Variants in UGT1A6 observed in about 807,000 individuals in gnomAD.
UGT1A6 encodes UDP-glucuronosyltransferase 1A6.
UGT1A6 carries 32 observed loss-of-function variants against 44.4 expected under a neutral mutation model. The ratio of observed to expected loss-of-function variants is 0.72; its 90% CI spans 0.54 to 0.97. UGT1A6 has a LOEUF of 0.97. Ranked by LOEUF, UGT1A6 falls within the 50% of genes least tolerant of loss-of-function variation. The pLI is 0.00. For missense variants in UGT1A6, 685 were observed against 661.9 expected, an observed-to-expected ratio of 1.03 and a Z score of -0.38; for synonymous variants, 238 against 248.5, an observed-to-expected ratio of 0.96 and a Z score of 0.40.
chr2:233,770,182 A>T (rs778207496), intron 4 of UGT1A6: 1 of 152,262 alleles, frequency 6.6e-6, no homozygotes, highest in Non-Finnish European at 1.5e-5. Flanking sequence ...CAACTTATTA[A>T]CTAACTTTCA....
chr2:233,743,667 C>T lies in UGT1A6; in HGVS notation c.862-23367C>T, dbSNP rs201017854. 1.1e-4 allele frequency: 149 copies of T among 1,367,202 alleles called. 1 individual carries two copies. The highest frequency in any genetic ancestry group is 3.2e-4 in the East Asian group (7 of 21,982). The allele number at this position is 1,367,202 out of a possible 1,614,324, so 84.7% of individuals were successfully genotyped here. A position where few individuals can be genotyped will look rare whatever the true frequency, so the allele number is the denominator to read the frequency against. Reference sequence around the variant, plus strand: ...CTGAAGACGTACTCGAAGGGGTCCTCGAAGGGCCTGCCGCCTGTGCAGCCG... The same window carrying T: ...CTGAAGACGTACTCGAAGGGGTCCTTGAAGGGCCTGCCGCCTGTGCAGCCG... On this transcript the variant is annotated intron_variant, in intron 1 of 4. Coordinates refer to ENST00000305139, the MANE Select transcript of UGT1A6 (RefSeq NM_001072.4).
At chr2:233,727,361 G>A (rs2077609181) in intron 1 of UGT1A6, among the ~76,000 whole-genome samples, 1 of 152,128 alleles carries the variant, frequency 6.6e-6, no homozygotes, top group Admixed American at 6.5e-5. Flanking sequence ...TATCCTTAGG[G>A]CCCCTAGGTC....
chr2:233,693,307 G>A lies in UGT1A6; in HGVS notation c.303G>A (p.Glu101=), dbSNP rs2075144345. 2 of 1,614,138 alleles carry A rather than the reference G, an allele frequency of 1.2e-6. No individual in the cohort carries two copies. The highest frequency in any genetic ancestry group is 1.6e-4 in the Middle Eastern group (1 of 6,062). Residue 101 remains glutamate (E), a synonymous_variant, in exon 1 of 5, where the codon GAG becomes GAA. Coordinates refer to ENST00000305139, the MANE Select transcript of UGT1A6 (RefSeq NM_001072.4). ...CATTTGGAAACAATCACTTTGCTGAGCGATCATTCCTAACTGCTCCTCAGA... is the reference window on the plus strand; with the variant it reads ...CATTTGGAAACAATCACTTTGCTGAACGATCATTCCTAACTGCTCCTCAGA... ...YQSFGNNHFA[E]RSFLTAPQTE...
chr2:233,729,516 G>T, intron 1 of UGT1A6: 1 of 1,614,186 alleles, frequency 6.2e-7, no homozygotes, highest in Non-Finnish European at 8.5e-7. Context: ...CTTGTGTGGA[G>T]CTACTACATA....
intron 1 of UGT1A6, chr2:233,743,796 C>T (rs774777752): frequency 7.3e-7 from 1 of 1,367,346 alleles, no homozygotes; most frequent in South Asian, 1.1e-5. Flanking sequence ...CTCTCCGCTT[C>T]CTCCTTGTTC....
intron 4 of UGT1A6, chr2:233,770,280 A>G (rs889485504): frequency 6.6e-6 from 1 of 152,192 alleles, no homozygotes; most frequent in Non-Finnish European, 1.5e-5. Context: ...CACAAAATAA[A>G]AAGAAGTGGA....
chr2:233,741,248 A>T (rs997599929), intron 1 of UGT1A6, among the ~76,000 whole-genome samples: 9 of 151,896 alleles, frequency 5.9e-5, no homozygotes, highest in African/African-American at 1.9e-4. Context: ...TGACACTGGT[A>T]TGCCACTCTT....
At chr2:233,764,706 G>C (rs1698626413) in intron 1 of UGT1A6, among the ~76,000 whole-genome samples, 1 of 152,180 alleles carries the variant, frequency 6.6e-6, no homozygotes, top group Non-Finnish European at 1.5e-5. Context: ...AATGAGCTGT[G>C]TCTCCCCAAG....
intron 1 of UGT1A6, chr2:233,760,250 G>GT: frequency 6.2e-7 from 1 of 1,601,220 alleles, no homozygotes; most frequent in Non-Finnish European, 8.5e-7. Flanking sequence ...ATATATATAA[G>GT]TAGGAGAGGG....
chr2:233,767,131 C>T lies in UGT1A6; in HGVS notation c.959C>T (p.Ala320Val). The change falls in exon 2 of 5, where the codon GCA becomes GTA. Residue 320 changes from alanine to valine, a missense_variant. Coordinates refer to ENST00000305139, the MANE Select transcript of UGT1A6 (RefSeq NM_001072.4). ...VSEIPEKKAM[A>V]IADALGKIPQ... The stretch of plus-strand genomic sequence containing the variant: ...GAAATTCCAGAGAAGAAAGCTATGG[C>T]AATTGCTGATGCTTTGGGCAAAATC... 1 of 1,614,090 alleles carries T rather than the reference C, an allele frequency of 6.2e-7. No individual in the cohort carries two copies. The highest frequency in any genetic ancestry group is 8.5e-7 in the Non-Finnish European group (1 of 1,180,014).
chr2:233,728,573 C>T (rs183295666), intron 1 of UGT1A6, among the ~76,000 whole-genome samples: 6 of 152,150 alleles, frequency 3.9e-5, no homozygotes, highest in Non-Finnish European at 7.3e-5. Flanking sequence ...TATCCTGGTG[C>T]GAAAAACGAC....
chr2:233,713,117 CA>C (rs1395487296), intron 1 of UGT1A6: 4 of 1,614,102 alleles, frequency 2.5e-6, no homozygotes, highest in Non-Finnish European at 3.4e-6. Context: ...GCCACTGGCT[CA>C]GCATGCGGGA....
rs1400065654 is a variant in UGT1A6 at position 233,732,845 on chromosome 2, G to C, written c.862-34189G>C. 4.2e-5 allele frequency among the ~76,000 whole-genome samples: 5 copies of C among 119,428 alleles called. No individual in the cohort carries two copies. The East Asian group carries it at 1.3e-3, about 30-fold the overall frequency. 78.3% of individuals were successfully genotyped at this position (119,428 alleles called of 152,430 possible). A position where few individuals can be genotyped will look rare whatever the true frequency, so the allele number is the denominator to read the frequency against. On this transcript the variant is annotated intron_variant, in intron 1 of 4. Coordinates refer to ENST00000305139, the MANE Select transcript of UGT1A6 (RefSeq NM_001072.4). ...CTTTAAAGTAGTTTTTTCCAATTTTGTGAAGTCATTGGTAGCTTGATGGGT... is the reference window on the plus strand; with the variant it reads ...CTTTAAAGTAGTTTTTTCCAATTTTCTGAAGTCATTGGTAGCTTGATGGGT...
At chr2:233,696,873 C>A (rs993552389) in intron 1 of UGT1A6, among the ~76,000 whole-genome samples, 1 of 152,154 alleles carries the variant, frequency 6.6e-6, no homozygotes, top group African/African-American at 2.4e-5. Flanking sequence ...TCAGCATCTA[C>A]AACATATGAG....
chr2:233,768,495 T>C (rs1699626018), intron 4 of UGT1A6, 56 bp downstream of exon 4: 19 of 1,573,996 alleles, frequency 1.2e-5, no homozygotes, highest in Non-Finnish European at 1.5e-5. Flanking sequence ...ATAAAATTGT[T>C]TCAAATATGA....
intron 1 of UGT1A6, among the ~76,000 whole-genome samples, chr2:233,750,198 C>T (rs914711353): frequency 6.6e-6 from 1 of 151,796 alleles, no homozygotes; most frequent in African/African-American, 2.4e-5. Context: ...ACAATGAAGT[C>T]CAGGCTGAGT....
rs533684290 is a variant in UGT1A6, at chr2:233,717,047, G to A, written c.861+23182G>A. Among the ~76,000 whole-genome samples the A allele has an allele frequency of 3.9e-5, 6 of 152,238 alleles. No individual in the cohort carries two copies. In the South Asian group the frequency reaches 1.0e-3, roughly 26 times the overall value. ...CATCTTCCAAGATACATGGGCCTCCGCAGGGTCTAGGAGTGCCAGACACGT... is the reference window on the plus strand; with the variant it reads ...CATCTTCCAAGATACATGGGCCTCCACAGGGTCTAGGAGTGCCAGACACGT... On this transcript the variant is annotated intron_variant, in intron 1 of 4. Coordinates refer to ENST00000305139, the MANE Select transcript of UGT1A6 (RefSeq NM_001072.4).
At chr2:233,718,209 T>C (rs1050950031) in intron 1 of UGT1A6, among the ~76,000 whole-genome samples, 2 of 152,238 alleles carry the variant, frequency 1.3e-5, no homozygotes, top group Non-Finnish European at 2.9e-5. Flanking sequence ...TTTTTTTATA[T>C]TGACAGCCAC....
rs45625338 is a variant in UGT1A6 at position 233,729,259 on chromosome 2, C to T, written c.861+35394C>T. 3,601 of 1,614,078 alleles carry T rather than the reference C, an allele frequency of 2.2e-3. 92 individuals are homozygous for T. In the East Asian group the frequency reaches 0.052, roughly 23 times the overall value. On this transcript the variant is annotated intron_variant, in intron 1 of 4. Transcript: ENST00000305139. ...TGATGGCAGCCACTGGCTCAGCATGCGGGAGGTCTTGCGGGAGCTCCATGC... is the reference window on the plus strand; with the variant it reads ...TGATGGCAGCCACTGGCTCAGCATGTGGGAGGTCTTGCGGGAGCTCCATGC...
Sources: allele counts gnomAD v4.1 joint callset (sites outside exome capture counted in the v4.1 genomes callset), GRCh38; gene constraint gnomAD v4.1.1; transcripts MANE v1.5; gene names NCBI Gene and HGNC (gene_info 2026-07-23, HGNC 2026-07-21).